PMS2: variants seen among roughly 807,000 people sequenced by gnomAD.
The protein encoded by PMS2 is mismatch repair endonuclease PMS2.
Under a neutral mutation model 90.0 loss-of-function variants are expected in PMS2, and 69 were observed. The observed-to-expected ratio is 0.77, with a 90% CI of 0.63 to 0.94. The LOEUF is 0.94. Among genes scored for constraint, PMS2 ranks in the 40% least tolerant of loss-of-function variants. PMS2 has a pLI of 0.00. For synonymous variants in PMS2, 332 were observed against 375.1 expected (o/e 0.89, Z 1.33); for missense variants, 966 against 1,040.2 (o/e 0.93, Z 0.98).
At chr7:5,990,392 T>C (rs1783610833) in intron 9 of PMS2, among the ~76,000 whole-genome samples, 1 of 152,194 alleles carries the variant, frequency 6.6e-6, no homozygotes, top group Admixed American at 6.5e-5. Context: ...AACATTACAG[T>C]GTCCAGGTTA....
In PMS2 at chr7:6,005,847, C is replaced by A. The variant is rs547243921; in HGVS notation, c.163+45G>T. 3.1e-6 allele frequency: 5 copies of A among 1,609,884 alleles called. No homozygotes were observed. In the East Asian group the frequency reaches 8.9e-5, roughly 29 times the overall value. ...AACAAATGTTTCTTAACTACAACAA[C>A]ATTCACAGATCATTTCTTGTGGCTT... On this transcript the variant is annotated intron_variant, in intron 2 of 14. Coordinates refer to ENST00000265849, the MANE Select transcript of PMS2 (RefSeq NM_000535.7).
intron 2 of PMS2, among the ~76,000 whole-genome samples, chr7:6,005,202 C>T (rs1182536160): frequency 6.7e-6 from 1 of 148,788 alleles, no homozygotes. Context: ...ACTACTCCAG[C>T]CCTATTTTGT....
At position 5,981,410 on chromosome 7, in the gene PMS2, A is replaced by G. The variant is rs556403275; in HGVS notation, c.2174+1414T>C. ...CAGGCACACACCATCAAGTCTGACT[A>G]ATTTTTTACATTTGTTGTAGAGACA... On this transcript the variant is annotated intron_variant, in intron 12 of 14. Transcript: ENST00000265849. Among the ~76,000 whole-genome samples, 3 of 149,432 alleles carry G rather than the reference A, an allele frequency of 2.0e-5. 1 individual carries two copies. The East Asian group carries it at 6.0e-4, about 30-fold the overall frequency.
At chr7:6,001,525 C>T (rs1785089127) in intron 5 of PMS2, among the ~76,000 whole-genome samples, 1 of 152,054 alleles carries the variant, frequency 6.6e-6, no homozygotes, top group Admixed American at 6.6e-5. Flanking sequence ...CACATGCCAC[C>T]ATGCCCAGCT....
rs587780063 is a variant in PMS2, at chr7:5,992,045, C to T, written c.916G>A (p.Val306Met). ...PCDPAKVCRLVNEVYHMYNRH... is the reference protein window; with the variant it reads ...PCDPAKVCRLMNEVYHMYNRH... ...TTATACATGTGGTAGACCTCATTCA[C>T]GAGTCTGCAGACCTGCACAAAATAC... The change falls in exon 9 of 15, where the codon GTG becomes ATG. Residue 306 changes from valine (V) to methionine (M), a missense_variant. By Grantham distance (21) the Val-to-Met change is conservative. Transcript: ENST00000265849. The T allele has an allele frequency of 1.3e-5, 20 of 1,577,524 alleles. No homozygotes were observed. The highest frequency in any genetic ancestry group is 1.0e-4 in the Admixed American group (6 of 59,912).
intron 9 of PMS2, among the ~76,000 whole-genome samples, chr7:5,990,760 T>C (rs1332639145): frequency 6.6e-6 from 1 of 152,166 alleles, no homozygotes; most frequent in African/African-American, 2.4e-5. Context: ...CACCCTGTAA[T>C]CCCAGCACTT....
At chr7:5,984,475 G>A (rs1371628362) in intron 11 of PMS2, among the ~76,000 whole-genome samples, 5 of 151,762 alleles carry the variant, frequency 3.3e-5, no homozygotes, top group Non-Finnish European at 4.4e-5. Context: ...AGCCATGGAC[G>A]TTTTCTGGTT....
intron 5 of PMS2, chr7:6,002,143 C>G (rs1342828549): frequency 6.1e-6 from 2 of 329,158 alleles, no homozygotes; most frequent in Non-Finnish European, 1.2e-5. Context: ...GATCCTCCCA[C>G]TTCAGCCTCC....
chr7:5,985,201 G>T (rs1475550014), intron 11 of PMS2, among the ~76,000 whole-genome samples: 1 of 151,440 alleles, frequency 6.6e-6, no homozygotes, highest in Non-Finnish European at 1.5e-5. Context: ...GGGCTCAAGT[G>T]AGCCTCCTGC....
At chr7:5,981,000 T>C (rs1158495098) in intron 12 of PMS2, among the ~76,000 whole-genome samples, 1 of 151,676 alleles carries the variant, frequency 6.6e-6, no homozygotes. Context: ...CATTTCTCCA[T>C]GTGGGATCTA....
At chr7:5,997,179 A>C (rs1583372847) in intron 7 of PMS2, 147 bp downstream of exon 7, 1 of 638,442 alleles carries the variant, frequency 1.6e-6, no homozygotes, top group Non-Finnish European at 2.8e-6. Flanking sequence ...GCACCATTGC[A>C]CTCCAGCCTG....
At chr7:5,988,879 G>A (rs112347961) in intron 10 of PMS2, among the ~76,000 whole-genome samples, 13 of 151,868 alleles carry the variant, frequency 8.6e-5, no homozygotes, top group African/African-American at 2.4e-4. Context: ...TTTTTGAGAC[G>A]GAGTCTCGCT....
intron 2 of PMS2, chr7:6,004,390 C>G (rs1273627510): frequency 4.5e-6 from 1 of 224,660 alleles, no homozygotes; most frequent in Non-Finnish European, 8.8e-6. Context: ...CCATCCTTTT[C>G]TTTTGAAAGA....
intron 8 of PMS2, among the ~76,000 whole-genome samples, chr7:5,992,599 C>T (rs1036736058): frequency 1.3e-5 from 2 of 152,174 alleles, no homozygotes; most frequent in Admixed American, 1.3e-4. Context: ...GGATTATAGG[C>T]GTAAGCCACT....
chr7:6,006,612 C>T (rs189805290), intron 1 of PMS2, among the ~76,000 whole-genome samples: 42 of 151,682 alleles, frequency 2.8e-4, no homozygotes, highest in African/African-American at 7.0e-4. Flanking sequence ...GAGATTGCGG[C>T]ATTGCACTCC....
chr7:5,998,637 T>C (rs918694287), intron 6 of PMS2, among the ~76,000 whole-genome samples: 9 of 148,562 alleles, frequency 6.1e-5, no homozygotes, highest in Non-Finnish European at 1.3e-4. Flanking sequence ...GAGGTTGCAG[T>C]GAGCCAAGAT....
intron 9 of PMS2, among the ~76,000 whole-genome samples, chr7:5,991,654 AC>A (rs1783743480): frequency 6.6e-6 from 1 of 151,944 alleles, no homozygotes; most frequent in Admixed American, 6.6e-5. Context: ...CCTGGCTAAC[AC>A]GGTGAAACCC....
Position 5,977,842 on chromosome 7 carries a change from G to C in PMS2, c.2276-85C>G. The C allele has an allele frequency of 2.6e-6, 4 of 1,556,086 alleles. No homozygotes were observed. In the South Asian group the frequency reaches 3.4e-5, roughly 13 times the overall value. On this transcript the variant is annotated intron_variant, in intron 13 of 14. Coordinates refer to ENST00000265849, the MANE Select transcript of PMS2 (RefSeq NM_000535.7). ...CTACTTAGGATGAACATCTGAGGCC[G>C]GGCGTGGTGGCTCACGCCTGTAATC...
At chr7:6,002,699 C>G (rs1239199808) in intron 4 of PMS2, 63 bp from the exon 5 acceptor site, 3 of 1,240,270 alleles carry the variant, frequency 2.4e-6, no homozygotes, top group Non-Finnish European at 3.6e-6. Context: ...GCACTGACTA[C>G]TCTTTTCTTC....
Sources: gnomAD v4.1 joint callset for allele counts (sites outside exome capture counted in the v4.1 genomes callset) on GRCh38, gnomAD v4.1.1 for gene constraint, MANE v1.5 for transcripts, NCBI Gene and HGNC (gene_info 2026-07-23, HGNC 2026-07-21) for gene names.